Variants in ATP8B1 observed in about 807,000 individuals in gnomAD.
ATP8B1 encodes the protein phospholipid-transporting ATPase IC.
In ATP8B1, 80 loss-of-function variants were observed where a neutral mutation model predicts 149.9. The ratio of observed to expected loss-of-function variants is 0.53; its 90% CI spans 0.45 to 0.64. The LOEUF (loss-of-function observed/expected upper bound fraction) is 0.64, where lower values mean the gene tolerates loss of function less well. ATP8B1 is among the 30% of genes least tolerant of loss of function. The pLI is 0.00. For synonymous variants in ATP8B1, 536 were observed against 562.8 expected (o/e 0.95, Z 0.67); for missense variants, 1,247 against 1,552.6 (o/e 0.80, Z 3.31).
At position 57,704,636 on chromosome 18, in the gene ATP8B1, T is replaced by C; in HGVS notation, c.312A>G (p.Ala104=). ...ACAGATTCATTGGTATAAAGGTAAA[T>C]GCGTTGTACTTGTATGTTTTAATTG... ...NNAIKTYKYN[A]FTFIPMNLFE... is the part of the protein sequence containing the mutation. The change falls in exon 4 of 28, where the codon GCA becomes GCG. Residue 104 remains alanine, a synonymous_variant. Coordinates refer to ENST00000648908, the MANE Select transcript of ATP8B1 (RefSeq NM_001374385.1). The C allele has an allele frequency of 6.2e-7, 1 of 1,609,926 alleles. No homozygotes were observed. The highest frequency in any genetic ancestry group is 1.3e-5 in the African/African-American group (1 of 74,952).
intron 12 of ATP8B1, among the ~76,000 whole-genome samples, chr18:57,689,660 G>T (rs967265849): frequency 6.6e-6 from 1 of 152,198 alleles, no homozygotes; most frequent in African/African-American, 2.4e-5. Context: ...TTACTTTCTA[G>T]TAGAGACAGA....
intron 1 of ATP8B1, among the ~76,000 whole-genome samples, chr18:57,768,585 C>CAAAAA (rs1367407593): frequency 1.2e-4 from 3 of 25,832 alleles, no homozygotes; most frequent in South Asian, 9.3e-4. Flanking sequence ...TGTTTACATG[C>CAAAAA]CAAAAAAAAA....
intron 2 of ATP8B1, among the ~76,000 whole-genome samples, chr18:57,723,023 A>C (rs1293790288): frequency 1.3e-5 from 2 of 150,992 alleles, no homozygotes; most frequent in African/African-American, 4.9e-5. Context: ...ATAGATGCAG[A>C]AAAAGCCTTT....
intron 4 of ATP8B1, among the ~76,000 whole-genome samples, chr18:57,703,694 C>G (rs913590374): frequency 6.6e-6 from 1 of 152,050 alleles, no homozygotes; most frequent in Non-Finnish European, 1.5e-5. Context: ...GTGTAGAGTT[C>G]CCTCGGTTAC....
intron 1 of ATP8B1, among the ~76,000 whole-genome samples, chr18:57,764,122 G>A (rs946660727): frequency 1.3e-5 from 2 of 152,152 alleles, no homozygotes; most frequent in South Asian, 2.1e-4. Flanking sequence ...GCAGTCTTTT[G>A]TATTTTTGTC....
At chr18:57,671,862 TC>T (rs1337759510) in intron 16 of ATP8B1, among the ~76,000 whole-genome samples, 1 of 152,100 alleles carries the variant, frequency 6.6e-6, no homozygotes, top group Non-Finnish European at 1.5e-5. Context: ...GCTCAAGCAA[TC>T]CTCCTGCCTC....
intron 2 of ATP8B1, among the ~76,000 whole-genome samples, chr18:57,724,641 A>G (rs1269949486): frequency 1.2e-4 from 18 of 148,476 alleles, no homozygotes; most frequent in African/African-American, 3.9e-4. Flanking sequence ...GAACACTTTT[A>G]CACTGTTGGT....
chr18:57,701,279 G>C lies in ATP8B1; in HGVS notation c.428C>G (p.Thr143Ser), dbSNP rs937836090. 6.2e-7 allele frequency: 1 copy of C among 1,614,204 alleles called. No individual in the cohort carries two copies. The highest frequency in any genetic ancestry group is 8.5e-7 in the Non-Finnish European group (1 of 1,180,034). ...CACCACAAGCAGGGGCACTAGTGTG[G>C]TGTACCAAGCCAGGGTAGAGATTTG... ...VPQISTLAWY[T>S]TLVPLLVVLG... The change falls in exon 5 of 28, where the codon ACC becomes AGC. Residue 143 changes from threonine to serine, a missense_variant. By Grantham distance (58) the Thr-to-Ser change is moderately conservative (BLOSUM62 1). Coordinates refer to ENST00000648908, the MANE Select transcript of ATP8B1 (RefSeq NM_001374385.1).
intron 21 of ATP8B1, among the ~76,000 whole-genome samples, chr18:57,661,676 T>TACATACACAC (rs1555688752): frequency 9.6e-6 from 1 of 104,616 alleles, no homozygotes; most frequent in Admixed American, 1.2e-4. Context: ...TGTATGTATA[T>TACATACACAC]ACACACACAC....
In ATP8B1 at chr18:57,761,097, A is replaced by T. The variant is rs931832771; in HGVS notation, c.-25-29265T>A. ...AAAATAAATAAAATAAAATAAAATA[A>T]AAAATAAAATAAAATATAAAATAAA... On this transcript the variant is annotated intron_variant, in intron 1 of 27. Coordinates refer to ENST00000648908, the MANE Select transcript of ATP8B1 (RefSeq NM_001374385.1). 9.4e-3 allele frequency among the ~76,000 whole-genome samples: 905 copies of T among 96,640 alleles called. 10 individuals are homozygous for T. The highest frequency in any genetic ancestry group is 0.035 in the African/African-American group (822 of 23,314). The allele number at this position is 96,640 out of a possible 152,430, so 63.4% of individuals were successfully genotyped here. A position where few individuals can be genotyped will look rare whatever the true frequency, so the allele number is the denominator to read the frequency against.
At chr18:57,760,491 AC>A (rs2080138482) in intron 1 of ATP8B1, among the ~76,000 whole-genome samples, 1 of 152,024 alleles carries the variant, frequency 6.6e-6, no homozygotes, top group Admixed American at 6.6e-5. Context: ...CCTTCCCCAA[AC>A]TGAACATGGT....
rs560447109 is a variant in ATP8B1 at position 57,803,267 on chromosome 18, G to T, written c.-295C>A. On this transcript the variant is annotated 5_prime_UTR_variant, in exon 1 of 28. Transcript: ENST00000648908. ...CCTCTGCAGCCGCCCTTTTGCCTCC[G>T]CTCCGCCGGACCGGCCAAACTGGTT... Among the ~76,000 whole-genome samples, 16 of 152,304 alleles carry T rather than the reference G, an allele frequency of 1.1e-4. No homozygotes were observed. Among genetic ancestry groups the T allele is most frequent in the Non-Finnish European group, 1.6e-4 (11 of 68,016 alleles).
chr18:57,680,300 A>AAAAAAAAAAAAAAAAAAAAAAAAC, intron 15 of ATP8B1, among the ~76,000 whole-genome samples: 1 of 139,396 alleles, frequency 7.2e-6, no homozygotes, highest in South Asian at 2.4e-4. Context: ...AAAAAAAAAA[A>AAAAAAAAAAAAAAAAAAAAAAAAC]AAGACTGGGT....
intron 2 of ATP8B1, among the ~76,000 whole-genome samples, chr18:57,724,628 T>C (rs1300720692): frequency 8.0e-4 from 119 of 148,408 alleles, no homozygotes; most frequent in African/African-American, 1.9e-3. Context: ...TGTGGAGAAA[T>C]AGGAACACTT....
chr18:57,669,403 T>C lies in ATP8B1; in HGVS notation c.2012A>G (p.Lys671Arg). The change falls in exon 18 of 28, where the codon AAA becomes AGA. Residue 671 changes from lysine to arginine, a missense_variant. Physicochemically the swap from Lys to Arg is conservative, Grantham distance 26. Transcript: ENST00000648908. ...IEEKEFTEWN[K>R]KFMAASVAST... ...GGCCACACTGGCAGCCATAAACTTT[T>C]TATTCCATTCTGTAAATTCTTTTTC... 1.2e-6 allele frequency: 2 copies of C among 1,613,976 alleles called. No individual in the cohort carries two copies. The highest frequency in any genetic ancestry group is 1.7e-6 in the Non-Finnish European group (2 of 1,179,868).
At chr18:57,761,750 T>G (rs1385923752) in intron 1 of ATP8B1, among the ~76,000 whole-genome samples, 1 of 151,130 alleles carries the variant, frequency 6.6e-6, no homozygotes, top group African/African-American at 2.4e-5. Context: ...GTCAAAAGAT[T>G]GAGACCTTTC....
chr18:57,688,215 G>T, intron 13 of ATP8B1, 84 bp downstream of exon 13: 1 of 1,441,534 alleles, frequency 6.9e-7, no homozygotes, highest in Non-Finnish European at 9.7e-7. Context: ...AGCAATGCCA[G>T]GAGACAGGCT....
At chr18:57,656,890 C>T (rs920403585) in intron 22 of ATP8B1, among the ~76,000 whole-genome samples, 4 of 151,770 alleles carry the variant, frequency 2.6e-5, no homozygotes, top group East Asian at 1.9e-4. Context: ...CAGACAGACA[C>T]GGGGTTCCTG....
intron 1 of ATP8B1, among the ~76,000 whole-genome samples, chr18:57,793,444 G>A (rs2080482547): frequency 1.3e-5 from 2 of 151,934 alleles, no homozygotes; most frequent in African/African-American, 4.8e-5. Context: ...CGGATTGGGA[G>A]CCTTCTGCCT....
Sources: allele counts gnomAD v4.1 joint callset (sites outside exome capture counted in the v4.1 genomes callset), GRCh38; gene constraint gnomAD v4.1.1; transcripts MANE v1.5; gene names NCBI Gene and HGNC (gene_info 2026-07-23, HGNC 2026-07-21).